The following DNAJC10 variants were observed in gnomAD, a reference collection of about 807,000 sequenced individuals.
DNAJC10 encodes endoplasmic reticulum disulfide reductase DNAJC10.
Under a neutral mutation model 115.0 loss-of-function variants are expected in DNAJC10, and 101 were observed. The observed-to-expected ratio is 0.88, with a 90% CI of 0.75 to 1.04. The LOEUF (loss-of-function observed/expected upper bound fraction) is 1.04. Among genes scored for constraint, DNAJC10 ranks in the 50% least tolerant of loss-of-function variants. The pLI is 0.00. For synonymous variants in DNAJC10, 307 were observed against 301.5 expected, an observed-to-expected ratio of 1.02 and a Z score of -0.19; for missense variants, 981 against 928.8, an observed-to-expected ratio of 1.06 and a Z score of -0.73.
In DNAJC10 at chr2:182,778,110, GT is replaced by G; in HGVS notation, c.*982del. The G allele has an allele frequency of 6.6e-6, 1 of 151,988 alleles. No individual in the cohort carries two copies. The highest frequency in any genetic ancestry group is 1.5e-5 in the Non-Finnish European group (1 of 67,986). 9.4% of individuals were successfully genotyped at this position (151,988 alleles called of 1,614,324 possible). On this transcript the variant is annotated 3_prime_UTR_variant, in exon 24 of 24. Coordinates refer to ENST00000264065, the MANE Select transcript of DNAJC10 (RefSeq NM_018981.4). ...TTTACATATTTGCCTTCTGAACTTT[GT>G]TTTGACCTGTATCCTTTATTTACAT...
rs754190520 is a variant in DNAJC10 at position 182,722,033 on chromosome 2, G to A, written c.376G>A (p.Asp126Asn). 1.3e-6 allele frequency: 2 copies of A among 1,538,838 alleles called. No individual in the cohort carries two copies. Among genetic ancestry groups the A allele is most frequent in the Non-Finnish European group, 1.8e-6 (2 of 1,136,338 alleles). The change falls in exon 5 of 24, where the codon GAT becomes AAT. Residue 126 changes from aspartate to asparagine, a missense_variant. Coordinates refer to ENST00000264065, the MANE Select transcript of DNAJC10 (RefSeq NM_018981.4). ...NYYRYDFGIY[D>N]DDPEIITLER... ...TATACTTTTAAAATTAGGTATTTAT[G>A]ATGATGATCCTGAAATCATAACATT...
chr2:182,767,153 T>G (rs1235398515), intron 22 of DNAJC10, among the ~76,000 whole-genome samples: 2 of 151,882 alleles, frequency 1.3e-5, no homozygotes, highest in African/African-American at 4.8e-5. Context: ...TCCTTTCAGG[T>G]GGAGATAATG....
chr2:182,768,410 A>G (rs1408426447), intron 22 of DNAJC10, among the ~76,000 whole-genome samples: 2 of 152,182 alleles, frequency 1.3e-5, no homozygotes, highest in Non-Finnish European at 2.9e-5. Context: ...AGATGTTGCC[A>G]TGTGTCCAGA....
In DNAJC10 at chr2:182,748,712, T is replaced by G. The variant is rs190674634; in HGVS notation, c.1307-2946T>G. ...CTTTCTGCTAGCTTTTGAATGTGTT[T>G]GCTCTTGCTTTTCTAGTTCTGTTAA... is the stretch of plus-strand genomic sequence containing the variant. On this transcript the variant is annotated intron_variant, in intron 14 of 23. Coordinates refer to ENST00000264065, the MANE Select transcript of DNAJC10 (RefSeq NM_018981.4). Among the ~76,000 whole-genome samples, 375 of 152,344 alleles carry G rather than the reference T, an allele frequency of 2.5e-3. 1 individual carries two copies. The highest frequency in any genetic ancestry group is 4.4e-3 in the Non-Finnish European group (300 of 68,034).
rs1237585891 is a variant in DNAJC10, at chr2:182,793,505, G to A, written c.*16373G>A. On this transcript the variant is annotated 3_prime_UTR_variant, in exon 24 of 24. Coordinates refer to ENST00000264065, the MANE Select transcript of DNAJC10 (RefSeq NM_018981.4). ...AGACATTCAGAGAGCTCTGCTTTGC[G>A]AGGTATGCAGTGAACATTCATAGAC... 1.3e-5 allele frequency: 2 copies of A among 152,114 alleles called. No homozygotes were observed. Among genetic ancestry groups the A allele is most frequent in the African/African-American group, 4.8e-5 (2 of 41,416 alleles). 9.4% of individuals were successfully genotyped at this position (152,114 alleles called of 1,614,324 possible).
chr2:182,787,894 C>G lies in DNAJC10; in HGVS notation c.*10762C>G, dbSNP rs572363310. 6.6e-6 allele frequency: 1 copy of G among 152,274 alleles called. No individual in the cohort carries two copies. The highest frequency in any genetic ancestry group is 6.5e-5 in the Admixed American group (1 of 15,280). The allele number at this position is 152,274 out of a possible 1,614,324, so 9.4% of individuals were successfully genotyped here. A position where few individuals can be genotyped will look rare whatever the true frequency, so the allele number is the denominator to read the frequency against. On this transcript the variant is annotated 3_prime_UTR_variant, in exon 24 of 24. Coordinates refer to ENST00000264065, the MANE Select transcript of DNAJC10 (RefSeq NM_018981.4). ...CGTGATCACACCACTGCACTCCAGA[C>G]TGGGAGGCAGAGGAAGACCCCGTCT...
At chr2:182,766,020 G>A (rs1217496993) in intron 22 of DNAJC10, among the ~76,000 whole-genome samples, 1 of 152,196 alleles carries the variant, frequency 6.6e-6, no homozygotes, top group African/African-American at 2.4e-5. Flanking sequence ...AACGTTTAAA[G>A]GGTGGATACT....
At chr2:182,769,065 A>G (rs1191031859) in intron 22 of DNAJC10, among the ~76,000 whole-genome samples, 1 of 152,068 alleles carries the variant, frequency 6.6e-6, no homozygotes, top group East Asian at 1.9e-4. Context: ...TGTGAGTGAG[A>G]ACATGAGATG....
Position 182,756,393 on chromosome 2 carries a change from T to G in DNAJC10, c.1733T>G (p.Val578Gly). 1 of 1,613,966 alleles carries G rather than the reference T, an allele frequency of 6.2e-7. No homozygotes were observed. The highest frequency in any genetic ancestry group is 8.5e-7 in the Non-Finnish European group (1 of 1,179,898). Reference protein sequence around the residue: ...ELVTQRKHNEVWMVDFYSPWC... With the variant: ...ELVTQRKHNEGWMVDFYSPWC... Reference sequence around the variant, plus strand: ...GTTACACAAAGAAAACACAACGAAGTCTGGATGGTTGATTTCTATTCTCCG... The same window carrying G: ...GTTACACAAAGAAAACACAACGAAGGCTGGATGGTTGATTTCTATTCTCCG... The change falls in exon 18 of 24, where the codon GTC becomes GGC. Residue 578 changes from valine (V) to glycine (G), a missense_variant. Val to Gly is a moderately radical substitution (Grantham distance 109). Coordinates refer to ENST00000264065, the MANE Select transcript of DNAJC10 (RefSeq NM_018981.4).
At position 182,773,468 on chromosome 2, in the gene DNAJC10, A is replaced by G. The variant is rs184099619; in HGVS notation, c.2266-1848A>G. Among the ~76,000 whole-genome samples, 164 of 152,258 alleles carry G rather than the reference A, an allele frequency of 1.1e-3. 1 individual carries two copies. The highest frequency in any genetic ancestry group is 3.8e-3 in the African/African-American group (157 of 41,548). On this transcript the variant is annotated intron_variant, in intron 22 of 23. Transcript: ENST00000264065. ...CTCCCCATCACTTTCAAGTACACCA[A>G]TCAAACAGATTTGGTCTTTCCACAG...
chr2:182,761,738 A>ATGCG (rs1694290661), intron 21 of DNAJC10, among the ~76,000 whole-genome samples: 1 of 152,106 alleles, frequency 6.6e-6, no homozygotes, highest in African/African-American at 2.4e-5. Context: ...AAGCAGGCCA[A>ATGCG]TGCGTGGTTA....
At chr2:182,766,909 G>A (rs1320467665) in intron 22 of DNAJC10, among the ~76,000 whole-genome samples, 2 of 152,062 alleles carry the variant, frequency 1.3e-5, no homozygotes, top group Admixed American at 1.3e-4. Context: ...TTTAAGGTTG[G>A]AGGAAAGAAA....
In DNAJC10 at chr2:182,777,318, C is replaced by T. The variant is rs371237109; in HGVS notation, c.*186C>T. On this transcript the variant is annotated 3_prime_UTR_variant, in exon 24 of 24. Coordinates refer to ENST00000264065, the MANE Select transcript of DNAJC10 (RefSeq NM_018981.4). ...TCTGCAAACTTTTTCTGTAAAGGGC[C>T]GGTTTATAAATATTTTAGACTTTGC... 1.1e-4 allele frequency: 42 copies of T among 378,562 alleles called. No individual in the cohort carries two copies. Among genetic ancestry groups the T allele is most frequent in the Middle Eastern group, 1.2e-3 (2 of 1,664 alleles). 23.5% of individuals were successfully genotyped at this position (378,562 alleles called of 1,614,324 possible).
intron 22 of DNAJC10, among the ~76,000 whole-genome samples, chr2:182,768,863 A>T (rs1333116639): frequency 6.6e-6 from 1 of 152,156 alleles, no homozygotes; most frequent in Non-Finnish European, 1.5e-5. Flanking sequence ...TCTAGTGTAC[A>T]TGCGCACAAT....
intron 22 of DNAJC10, among the ~76,000 whole-genome samples, chr2:182,768,094 A>G (rs987564528): frequency 1.3e-5 from 2 of 152,154 alleles, no homozygotes; most frequent in Non-Finnish European, 2.9e-5. Flanking sequence ...AAATTAAGAA[A>G]TTGGATGATG....
intron 10 of DNAJC10, among the ~76,000 whole-genome samples, chr2:182,732,950 G>T (rs1693489456): frequency 6.6e-6 from 1 of 151,838 alleles, no homozygotes; most frequent in Non-Finnish European, 1.5e-5. Context: ...ACCCTTTGTG[G>T]CTTTGTGGCT....
chr2:182,759,354 A>C, intron 21 of DNAJC10, 47 bp downstream of exon 21: 2 of 1,546,624 alleles, frequency 1.3e-6, no homozygotes, highest in African/African-American at 2.8e-5. Context: ...TTCATGTTTT[A>C]GTAATTAGAT....
chr2:182,720,125 A>C lies in DNAJC10; in HGVS notation c.323A>C (p.Gln108Pro). ...GGAGAAAAGGGACTTGAGGATAATC[A>C]AGGTGGCCAGTATGAAAGCTGGAAC... The part of the protein sequence containing the change: ...KYGEKGLEDN[Q>P]GGQYESWNYY... Residue 108 changes from glutamine to proline, a missense_variant, in exon 4 of 24, where the codon CAA (glutamine) becomes CCA (proline). Transcript: ENST00000264065. 6.2e-7 allele frequency: 1 copy of C among 1,612,028 alleles called. No individual in the cohort carries two copies. Among genetic ancestry groups the C allele is most frequent in the Non-Finnish European group, 8.5e-7 (1 of 1,179,098 alleles).
rs1277325970 is a variant in DNAJC10, at chr2:182,783,574, T to TAAA, written c.*6443_*6445dup. On this transcript the variant is annotated 3_prime_UTR_variant, in exon 24 of 24. Coordinates refer to ENST00000264065, the MANE Select transcript of DNAJC10 (RefSeq NM_018981.4). ...TATCATGAAAATTATGAAGATGAGG[T>TAAA]AAAGTCTGTTCCATTTTTCCTCTAT... 6.6e-6 allele frequency: 1 copy of TAAA among 152,194 alleles called. No homozygotes were observed. Among genetic ancestry groups the TAAA allele is most frequent in the South Asian group, 2.1e-4 (1 of 4,836 alleles). 9.4% of individuals were successfully genotyped at this position (152,194 alleles called of 1,614,324 possible). A position where few individuals can be genotyped will look rare whatever the true frequency, so the allele number is the denominator to read the frequency against.
Sources: allele counts gnomAD v4.1 joint callset (sites outside exome capture counted in the v4.1 genomes callset), GRCh38; gene constraint gnomAD v4.1.1; transcripts MANE v1.5; gene names NCBI Gene and HGNC (gene_info 2026-07-23, HGNC 2026-07-21).